Variants in TTLL9 observed in about 807,000 individuals in gnomAD.
TTLL9 encodes probable tubulin polyglutamylase TTLL9.
A neutral mutation model predicts 65.6 loss-of-function variants in TTLL9; 47 were observed. The ratio of observed to expected loss-of-function variants is 0.72; its 90% CI spans 0.57 to 0.91. The LOEUF (loss-of-function observed/expected upper bound fraction) is 0.91. Ranked by LOEUF, TTLL9 falls within the 40% of genes least tolerant of loss-of-function variation. The pLI is 0.00. For synonymous variants in TTLL9, 179 were observed against 204.8 expected, an observed-to-expected ratio of 0.87 and a Z score of 1.07; for missense variants, 537 against 568.8, an observed-to-expected ratio of 0.94 and a Z score of 0.57.
intron 3 of TTLL9, 39 bp downstream of exon 3, chr20:31,887,278 C>CA: frequency 6.2e-7 from 1 of 1,607,808 alleles, no homozygotes; most frequent in Non-Finnish European, 8.5e-7. Flanking sequence ...ACAGCGCAAC[C>CA]AACTTCTCTC....
intron 3 of TTLL9, among the ~76,000 whole-genome samples, chr20:31,890,909 G>C (rs889873577): frequency 6.6e-6 from 1 of 152,238 alleles, no homozygotes; most frequent in Non-Finnish European, 1.5e-5. Flanking sequence ...CTGGCAGTGG[G>C]AAGCTCTTTG....
chr20:31,919,962 G>T (rs746388177), intron 7 of TTLL9, 30 bp downstream of exon 7: 3 of 1,552,368 alleles, frequency 1.9e-6, no homozygotes, highest in African/African-American at 1.4e-5. Context: ...CTTCCTCCCT[G>T]AACCCTCCTC....
chr20:31,931,316 C>T (rs764430558), intron 10 of TTLL9, among the ~76,000 whole-genome samples: 15 of 151,942 alleles, frequency 9.9e-5, no homozygotes, highest in South Asian at 2.1e-4. Flanking sequence ...TGGGCTCAAG[C>T]GATCCTCCTG....
rs1336357081 is a variant in TTLL9 at position 31,944,693 on chromosome 20, A to G, written c.*1672A>G. On this transcript the variant is annotated 3_prime_UTR_variant, in exon 15 of 15. Transcript: ENST00000535842. ...TCAAAAATATTTAAAAGGAGATTCA[A>G]CTTCACAACCCATATGTCTAGCTTC... The G allele has an allele frequency of 6.6e-6, 1 of 152,212 alleles. No homozygotes were observed. The highest frequency in any genetic ancestry group is 1.5e-5 in the Non-Finnish European group (1 of 68,042). The allele number at this position is 152,212 out of a possible 1,614,324, so 9.4% of individuals were successfully genotyped here. A position where few individuals can be genotyped will look rare whatever the true frequency, so the allele number is the denominator to read the frequency against.
At chr20:31,884,859 C>A (rs1227741892) in intron 2 of TTLL9, among the ~76,000 whole-genome samples, 1 of 152,186 alleles carries the variant, frequency 6.6e-6, no homozygotes, top group Non-Finnish European at 1.5e-5. Context: ...ATCCCCCTTG[C>A]GTTCTAGGGA....
chr20:31,912,597 ATGTGTATGTGTG>A (rs1319548898), intron 6 of TTLL9, among the ~76,000 whole-genome samples: 138 of 102,694 alleles, frequency 1.3e-3, no homozygotes, highest in African/African-American at 5.6e-3. Flanking sequence ...GTGTGCGTGT[ATGTGTATGTGTG>A]TGTGTGTGTG....
At chr20:31,876,257 G>C (rs1455883783) in intron 2 of TTLL9, among the ~76,000 whole-genome samples, 1 of 152,162 alleles carries the variant, frequency 6.6e-6, no homozygotes, top group Non-Finnish European at 1.5e-5. Flanking sequence ...GACCAGCCTG[G>C]CCAACATGGC....
intron 3 of TTLL9, among the ~76,000 whole-genome samples, chr20:31,889,663 C>A (rs2123425861): frequency 6.6e-6 from 1 of 152,182 alleles, no homozygotes; most frequent in Admixed American, 6.5e-5. Flanking sequence ...TCTTGTGATC[C>A]ACCTGCCTTG....
intron 4 of TTLL9, chr20:31,901,529 C>T (rs1568774760): frequency 6.6e-6 from 1 of 152,188 alleles, no homozygotes; most frequent in Non-Finnish European, 1.5e-5. Context: ...CTTTTGGTAT[C>T]AGAATAGAAT....
rs778636315 is a variant in TTLL9 at position 31,908,732 on chromosome 20, C to A, written c.318+30C>A. The A allele has an allele frequency of 4.5e-6, 7 of 1,540,078 alleles. No individual in the cohort carries two copies. The South Asian group carries it at 7.9e-5, about 17-fold the overall frequency. On this transcript the variant is annotated intron_variant, in intron 5 of 14. Coordinates refer to ENST00000535842, the MANE Select transcript of TTLL9 (RefSeq NM_001008409.5). ...GCTGGGCAGGCGGGAGGGACTGTGC[C>A]AACCAACTCATGTCACTGGGTGTGG...
At chr20:31,889,709 G>A (rs1478918263) in intron 3 of TTLL9, among the ~76,000 whole-genome samples, 1 of 150,964 alleles carries the variant, frequency 6.6e-6, no homozygotes, top group Admixed American at 6.7e-5. Context: ...TGTGAGCCAC[G>A]GTGCCCGGCC....
intron 6 of TTLL9, among the ~76,000 whole-genome samples, chr20:31,918,970 C>T (rs936286644): frequency 1.3e-5 from 2 of 152,078 alleles, no homozygotes; most frequent in African/African-American, 4.8e-5. Context: ...CCTGCATGCC[C>T]CTATCTTGTA....
intron 12 of TTLL9, 122 bp downstream of exon 12, chr20:31,935,010 A>G: frequency 1.0e-6 from 1 of 953,364 alleles, no homozygotes; most frequent in Non-Finnish European, 1.6e-6. Flanking sequence ...ACTTACATTT[A>G]CTGTGCCTCA....
chr20:31,872,492 C>T (rs1359794679), intron 2 of TTLL9, among the ~76,000 whole-genome samples: 1 of 148,036 alleles, frequency 6.8e-6, no homozygotes, highest in Non-Finnish European at 1.5e-5. Context: ...GCCTGGGAAA[C>T]ATAGGGAGAC....
intron 3 of TTLL9, among the ~76,000 whole-genome samples, chr20:31,893,811 AT>A (rs1333694828): frequency 6.6e-6 from 1 of 151,792 alleles, no homozygotes; most frequent in African/African-American, 2.4e-5. Flanking sequence ...AATTTGGAAA[AT>A]TTTTTAGCCA....
At chr20:31,896,382 C>A (rs912507409) in intron 3 of TTLL9, among the ~76,000 whole-genome samples, 1 of 152,146 alleles carries the variant, frequency 6.6e-6, no homozygotes, top group Non-Finnish European at 1.5e-5. Context: ...TTTTAAGATG[C>A]TTTTATCAAG....
rs1051476366 is a variant in TTLL9 at position 31,944,037 on chromosome 20, A to G, written c.*1016A>G. 4 of 338,448 alleles carry G rather than the reference A, an allele frequency of 1.2e-5. No homozygotes were observed. Among genetic ancestry groups the G allele is most frequent in the African/African-American group, 8.6e-5 (4 of 46,550 alleles). The allele number at this position is 338,448 out of a possible 1,614,324, so 21.0% of individuals were successfully genotyped here. On this transcript the variant is annotated 3_prime_UTR_variant, in exon 15 of 15. Transcript: ENST00000535842. The stretch of plus-strand genomic sequence containing the variant: ...ATCTGCCTGCCTAGGTCAAGCCCGA[A>G]GGGAAGACTTTTGGAAGGAAAATAC...
At chr20:31,930,973 G>T (rs1250682751) in intron 10 of TTLL9, among the ~76,000 whole-genome samples, 1 of 152,094 alleles carries the variant, frequency 6.6e-6, no homozygotes, top group African/African-American at 2.4e-5. Flanking sequence ...GCAGGCGGGA[G>T]CAGTGTGTGA....
chr20:31,925,809 G>A (rs1161024965), intron 9 of TTLL9: 60 of 1,414,580 alleles, frequency 4.2e-5, no homozygotes, highest in South Asian at 2.1e-4. Context: ...AGAGCTAGGC[G>A]GTGTGAGAGT....
Sources: gnomAD v4.1 joint callset for allele counts (sites outside exome capture counted in the v4.1 genomes callset) on GRCh38, gnomAD v4.1.1 for gene constraint, MANE v1.5 for transcripts, NCBI Gene and HGNC (gene_info 2026-07-23, HGNC 2026-07-21) for gene names.